IQCJ: variants seen among roughly 807,000 people sequenced by gnomAD.
IQCJ encodes the protein IQ motif containing J.
A neutral mutation model predicts 11.0 loss-of-function variants in IQCJ; 9 were observed. The observed-to-expected ratio is 0.82, with a 90% CI of 0.49 to 1.43. The LOEUF (loss-of-function observed/expected upper bound fraction) is 1.43. IQCJ is among the 40% of genes most tolerant of loss of function. The pLI, the probability that IQCJ is intolerant of heterozygous loss-of-function variation, is 0.00. For missense variants in IQCJ, 146 were observed against 133.2 expected, an observed-to-expected ratio of 1.10 and a Z score of -0.47; for synonymous variants, 55 against 51.3, an observed-to-expected ratio of 1.07 and a Z score of -0.31.
At chr3:159,112,848 GAAAAATGGAA>G (rs992459332) in intron 1 of IQCJ, among the ~76,000 whole-genome samples, 3 of 152,132 alleles carry the variant, frequency 2.0e-5, no homozygotes, top group African/African-American at 7.2e-5. Flanking sequence ...CAGACCTGGA[GAAAAATGGAA>G]AGAAATGGAA....
chr3:159,242,212 C>A (rs748265059), intron 1 of IQCJ, among the ~76,000 whole-genome samples: 1 of 152,142 alleles, frequency 6.6e-6, no homozygotes, highest in African/African-American at 2.4e-5. Context: ...GTGTTACATA[C>A]GGCTCTATAG....
intron 3 of IQCJ, among the ~76,000 whole-genome samples, chr3:159,254,685 C>T (rs1727790574): frequency 6.6e-6 from 1 of 152,110 alleles, no homozygotes; most frequent in Non-Finnish European, 1.5e-5. Context: ...TCCCTCTCCT[C>T]TTTCTATCTC....
At chr3:159,110,353 A>G (rs976852124) in intron 1 of IQCJ, among the ~76,000 whole-genome samples, 2 of 152,232 alleles carry the variant, frequency 1.3e-5, no homozygotes, top group African/African-American at 4.8e-5. Context: ...TATGATTATC[A>G]TCAGCATCAT....
intron 1 of IQCJ, among the ~76,000 whole-genome samples, chr3:159,239,760 A>G (rs775724666): frequency 8.5e-5 from 13 of 152,198 alleles, no homozygotes; most frequent in South Asian, 4.1e-4. Flanking sequence ...TTGCAATACA[A>G]TATTTTTACT....
chr3:159,080,693 C>T (rs111494744), intron 1 of IQCJ, among the ~76,000 whole-genome samples: 2,900 of 152,138 alleles, frequency 0.019, 38 homozygotes, highest in Non-Finnish European at 0.03. Context: ...TAGGTATTGC[C>T]GTAGGCATTT....
chr3:159,221,821 A>T (rs75999317), intron 1 of IQCJ, among the ~76,000 whole-genome samples: 1 of 135,156 alleles, frequency 7.4e-6, no homozygotes, highest in African/African-American at 2.9e-5. Flanking sequence ...AAGAAAGAAT[A>T]AAAAAAAAAA....
chr3:159,091,472 T>A (rs1394823704), intron 1 of IQCJ, among the ~76,000 whole-genome samples: 1 of 151,640 alleles, frequency 6.6e-6, no homozygotes, highest in East Asian at 1.9e-4. Context: ...ATCCCATTCA[T>A]AAGGGCTCCA....
At position 159,104,586 on chromosome 3, in the gene IQCJ, T is replaced by G. The variant is rs76309439; in HGVS notation, c.9+35145T>G. Among the ~76,000 whole-genome samples the G allele has an allele frequency of 3.6e-3, 554 of 152,310 alleles. 4 individuals carry two copies. The highest frequency in any genetic ancestry group is 0.013 in the African/African-American group (539 of 41,568). ...TGCTTTGGAATAAATCCCCCATGCA[T>G]TATTTACCTGTTCTCCTGGAGCTCC... On this transcript the variant is annotated intron_variant, in intron 1 of 3. Transcript: ENST00000397832.
At chr3:159,092,619 A>G (rs1053919424) in intron 1 of IQCJ, among the ~76,000 whole-genome samples, 1 of 150,860 alleles carries the variant, frequency 6.6e-6, no homozygotes, top group African/African-American at 2.5e-5. Flanking sequence ...AATGGTGTGA[A>G]CCTGGGAGGC....
chr3:159,076,927 G>A (rs1715960975), intron 1 of IQCJ, among the ~76,000 whole-genome samples: 1 of 152,076 alleles, frequency 6.6e-6, no homozygotes, highest in South Asian at 2.1e-4. Flanking sequence ...TTAATAGGGT[G>A]GTTGGGAATT....
intron 1 of IQCJ, among the ~76,000 whole-genome samples, chr3:159,085,403 C>T (rs1288839982): frequency 1.3e-5 from 2 of 152,118 alleles, no homozygotes; most frequent in African/African-American, 4.8e-5. Context: ...TTTAAAGCAG[C>T]ATGATTTATA....
intron 1 of IQCJ, among the ~76,000 whole-genome samples, chr3:159,104,068 A>C (rs186762518): frequency 2.6e-5 from 4 of 152,310 alleles, no homozygotes; most frequent in Non-Finnish European, 5.9e-5. Context: ...ATAGTTTAGA[A>C]ATGAGCAAAG....
chr3:159,144,348 G>A (rs1242446470), intron 1 of IQCJ, among the ~76,000 whole-genome samples: 1 of 152,230 alleles, frequency 6.6e-6, no homozygotes, highest in Non-Finnish European at 1.5e-5. Flanking sequence ...CACTAGACTT[G>A]AAGGTTGTGT....
intron 1 of IQCJ, among the ~76,000 whole-genome samples, chr3:159,225,043 A>G (rs2621292): frequency 0.34 from 51,448 of 152,010 alleles, 9,820 homozygotes; most frequent in Non-Finnish European, 0.44. Flanking sequence ...ATAAAAATAG[A>G]AAGTTGTGTT....
intron 1 of IQCJ, among the ~76,000 whole-genome samples, chr3:159,202,091 C>T (rs1724382381): frequency 6.6e-6 from 1 of 152,078 alleles, no homozygotes; most frequent in Non-Finnish European, 1.5e-5. Context: ...CTCAAGTTGC[C>T]TGAAATTGTT....
intron 1 of IQCJ, among the ~76,000 whole-genome samples, chr3:159,133,998 G>A (rs755268475): frequency 6.6e-6 from 1 of 150,414 alleles, no homozygotes; most frequent in Non-Finnish European, 1.5e-5. Flanking sequence ...ATTCACTTCT[G>A]AGCTCATTTG....
intron 1 of IQCJ, among the ~76,000 whole-genome samples, chr3:159,200,406 T>A (rs1443340731): frequency 6.6e-6 from 1 of 152,156 alleles, no homozygotes; most frequent in Non-Finnish European, 1.5e-5. Flanking sequence ...TTTAGCCTGC[T>A]CCCTGGATTT....
chr3:159,196,104 A>G (rs1186907507), intron 1 of IQCJ, among the ~76,000 whole-genome samples: 2 of 152,220 alleles, frequency 1.3e-5, no homozygotes, highest in Non-Finnish European at 2.9e-5. Flanking sequence ...ACATAACATA[A>G]GGAAATTTCC....
At chr3:159,240,870 G>C (rs1484493972) in intron 1 of IQCJ, among the ~76,000 whole-genome samples, 5 of 152,080 alleles carry the variant, frequency 3.3e-5, no homozygotes, top group Non-Finnish European at 7.4e-5. Context: ...TGGGATTATA[G>C]GCATGAGCCA....
Sources: gnomAD v4.1 joint callset for allele counts (sites outside exome capture counted in the v4.1 genomes callset) on GRCh38, gnomAD v4.1.1 for gene constraint, MANE v1.5 for transcripts, NCBI Gene and HGNC (gene_info 2026-07-23, HGNC 2026-07-21) for gene names.